Variants in KCTD16 observed in about 807,000 individuals in gnomAD.
The protein encoded by KCTD16 is BTB/POZ domain-containing protein KCTD16.
Under a neutral mutation model 33.2 loss-of-function variants are expected in KCTD16, and 13 were observed. The ratio of observed to expected loss-of-function variants is 0.39; its 90% CI spans 0.25 to 0.62. The LOEUF is 0.62. Among genes scored for constraint, KCTD16 ranks in the 20% least tolerant of loss-of-function variants. The pLI, the probability that KCTD16 is intolerant of heterozygous loss-of-function variation, is 0.50. For synonymous variants in KCTD16, 197 were observed against 195.3 expected (o/e 1.01, Z -0.07); for missense variants, 441 against 525.1 (o/e 0.84, Z 1.57).
At chr5:144,373,597 T>C (rs1459724627) in intron 3 of KCTD16, among the ~76,000 whole-genome samples, 2 of 152,222 alleles carry the variant, frequency 1.3e-5, no homozygotes, top group African/African-American at 4.8e-5. Context: ...CTGAGTGTCT[T>C]CTGCTGCTCA....
At chr5:144,360,864 G>A (rs1242095665) in intron 3 of KCTD16, among the ~76,000 whole-genome samples, 2 of 151,942 alleles carry the variant, frequency 1.3e-5, no homozygotes, top group Admixed American at 6.6e-5. Flanking sequence ...ATAAACACAT[G>A]TGTACCTCTG....
chr5:144,171,814 A>G (rs1017822592), intron 1 of KCTD16, among the ~76,000 whole-genome samples: 4 of 152,206 alleles, frequency 2.6e-5, no homozygotes, highest in Non-Finnish European at 5.9e-5. Flanking sequence ...AAAAGAAGTG[A>G]AGATTGTGAA....
At chr5:144,314,535 G>A (rs1002751023) in intron 3 of KCTD16, among the ~76,000 whole-genome samples, 8 of 152,122 alleles carry the variant, frequency 5.3e-5, no homozygotes, top group African/African-American at 1.7e-4. Flanking sequence ...GCTCACAAAC[G>A]CAGAGAGTGT....
Position 144,480,190 on chromosome 5 carries a change from G to A in KCTD16, c.*6076G>A, listed in dbSNP as rs1034989877. ...GCACATGGCCATGTGCAATTTTTAG[G>A]TTTATGTCAGCTCAGTGGATAATGT... On this transcript the variant is annotated 3_prime_UTR_variant, in exon 4 of 4. Transcript: ENST00000512467. 6.6e-6 allele frequency: 1 copy of A among 151,920 alleles called. No homozygotes were observed. Among genetic ancestry groups the A allele is most frequent in the Admixed American group, 6.6e-5 (1 of 15,216 alleles). 9.4% of individuals were successfully genotyped at this position (151,920 alleles called of 1,614,324 possible). A position where few individuals can be genotyped will look rare whatever the true frequency, so the allele number is the denominator to read the frequency against.
rs1554092476 is a variant in KCTD16, at chr5:144,398,708, A to ACACTCT, written c.833-74951_833-74950insACTCTC. 2.1e-5 allele frequency among the ~76,000 whole-genome samples: 3 copies of ACACTCT among 145,454 alleles called. No homozygotes were observed. The Admixed American group carries it at 2.1e-4, about 10-fold the overall frequency. On this transcript the variant is annotated intron_variant, in intron 3 of 3. Coordinates refer to ENST00000512467, the MANE Select transcript of KCTD16 (RefSeq NM_020768.4). ...CTTTGAATATATTACACACACACAC[A>ACACTCT]CTCTCTCTCTCTCTCTCTCTCTCTT... is the stretch of plus-strand genomic sequence containing the variant.
intron 3 of KCTD16, among the ~76,000 whole-genome samples, chr5:144,396,056 T>C (rs1254988100): frequency 6.6e-6 from 1 of 151,984 alleles, no homozygotes; most frequent in African/African-American, 2.4e-5. Context: ...CAGAAAAAAA[T>C]TGCAAACCCT....
intron 3 of KCTD16, among the ~76,000 whole-genome samples, chr5:144,449,643 A>G (rs1238841638): frequency 6.6e-6 from 1 of 152,024 alleles, no homozygotes; most frequent in African/African-American, 2.4e-5. Context: ...ATAAAGATGG[A>G]TCTGTAGACC....
intron 3 of KCTD16, among the ~76,000 whole-genome samples, chr5:144,293,902 G>A: frequency 6.6e-6 from 1 of 152,194 alleles, no homozygotes; most frequent in Non-Finnish European, 1.5e-5. Context: ...GCTCACGCCT[G>A]TAATCCCAGC....
At chr5:144,377,021 G>C (rs1018318166) in intron 3 of KCTD16, among the ~76,000 whole-genome samples, 6 of 152,108 alleles carry the variant, frequency 3.9e-5, no homozygotes, top group Non-Finnish European at 8.8e-5. Context: ...ATTCAGACTT[G>C]GGATAACACT....
intron 3 of KCTD16, among the ~76,000 whole-genome samples, chr5:144,306,317 G>A (rs980761563): frequency 3.9e-5 from 6 of 152,212 alleles, no homozygotes; most frequent in Admixed American, 1.3e-4. Context: ...AGCAGTTTGC[G>A]TTTTTGCAAC....
At chr5:144,464,767 C>A (rs1176692575) in intron 3 of KCTD16, among the ~76,000 whole-genome samples, 2 of 151,392 alleles carry the variant, frequency 1.3e-5, no homozygotes, top group Non-Finnish European at 2.9e-5. Context: ...TCCTCTTCTT[C>A]TTCTTCTTCT....
chr5:144,206,743 A>T lies in KCTD16; in HGVS notation c.29A>T (p.Tyr10Phe). 1 of 1,613,946 alleles carries T rather than the reference A, an allele frequency of 6.2e-7. No homozygotes were observed. Among genetic ancestry groups the T allele is most frequent in the Non-Finnish European group, 8.5e-7 (1 of 1,179,902 alleles). The change falls in exon 3 of 4, where the codon TAT (tyrosine) becomes TTT (phenylalanine). Residue 10 changes from tyrosine (Y) to phenylalanine (F), a missense_variant. Physicochemically the swap from Tyr to Phe is conservative, Grantham distance 22. Transcript: ENST00000512467. MALSGNCSR[Y>F]YPREQGSAVP... is the part of the protein sequence containing the mutation. ...GCTCTGAGTGGAAACTGTAGTCGTT[A>T]TTATCCTCGAGAACAAGGGTCCGCA...
At position 144,286,422 on chromosome 5, in the gene KCTD16, A is replaced by G. The variant is rs140340343; in HGVS notation, c.832+78876A>G. On this transcript the variant is annotated intron_variant, in intron 3 of 3. Transcript: ENST00000512467. ...CAAAAGCCTCTAAGATTTGTGATGG[A>G]AGAAAAGTCACTTAACAAATAATAT... Among the ~76,000 whole-genome samples, 489 of 152,310 alleles carry G rather than the reference A, an allele frequency of 3.2e-3. 4 individuals are homozygous for G. The highest frequency in any genetic ancestry group is 0.011 in the African/African-American group (470 of 41,576).
At chr5:144,321,547 A>G (rs1472077194) in intron 3 of KCTD16, among the ~76,000 whole-genome samples, 1 of 152,194 alleles carries the variant, frequency 6.6e-6, no homozygotes, top group Non-Finnish European at 1.5e-5. Context: ...AAAACCGTCT[A>G]GGTTAGCTGC....
In KCTD16 at chr5:144,251,321, G is replaced by T. The variant is rs190904780; in HGVS notation, c.832+43775G>T. On this transcript the variant is annotated intron_variant, in intron 3 of 3. Transcript: ENST00000512467. ...TTCTCACTCAGCTCCACTATTTACT[G>T]CTACATAACCTTGGGCAAATTATGT... Among the ~76,000 whole-genome samples, 702 of 152,238 alleles carry T rather than the reference G, an allele frequency of 4.6e-3. 2 individuals are homozygous for T. Among genetic ancestry groups the T allele is most frequent in the Non-Finnish European group, 7.9e-3 (539 of 68,010 alleles).
chr5:144,216,857 A>G (rs1028747641), intron 3 of KCTD16, among the ~76,000 whole-genome samples: 1 of 151,780 alleles, frequency 6.6e-6, no homozygotes, highest in Non-Finnish European at 1.5e-5. Flanking sequence ...AAAAAAAAAA[A>G]AAAGAAAAAG....
At chr5:144,382,654 C>G (rs566781623) in intron 3 of KCTD16, among the ~76,000 whole-genome samples, 1 of 152,290 alleles carries the variant, frequency 6.6e-6, no homozygotes, top group Admixed American at 6.5e-5. Context: ...GCCACCAGCA[C>G]CATGCCTGAC....
rs529023030 is a variant in KCTD16, at chr5:144,220,801, C to T, written c.832+13255C>T. Among the ~76,000 whole-genome samples the T allele has an allele frequency of 5.9e-5, 9 of 152,116 alleles. No homozygotes were observed. The South Asian group carries it at 6.2e-4, about 11-fold the overall frequency. On this transcript the variant is annotated intron_variant, in intron 3 of 3. Transcript: ENST00000512467. ...CTAAAAATATAAAAAATTAGCCGGG[C>T]GTGGTGGCGGGCACCTGTAGTCCCA...
chr5:144,413,868 G>T (rs534366457), intron 3 of KCTD16, among the ~76,000 whole-genome samples: 1 of 152,272 alleles, frequency 6.6e-6, no homozygotes, highest in Admixed American at 6.5e-5. Flanking sequence ...TTAAGAATCT[G>T]GAGAACCAGG....
Sources: gnomAD v4.1 joint callset for allele counts (sites outside exome capture counted in the v4.1 genomes callset) on GRCh38, gnomAD v4.1.1 for gene constraint, MANE v1.5 for transcripts, NCBI Gene and HGNC (gene_info 2026-07-23, HGNC 2026-07-21) for gene names.